CARF: variants seen among roughly 807,000 people sequenced by gnomAD.
CARF encodes calcium-responsive transcription factor.
CARF carries 57 observed loss-of-function variants against 82.0 expected under a neutral mutation model. The ratio of observed to expected loss-of-function variants is 0.70; its 90% CI spans 0.56 to 0.87. CARF has a LOEUF of 0.87. CARF is among the 40% of genes least tolerant of loss of function. CARF has a pLI of 0.00. For synonymous variants in CARF, 268 were observed against 290.1 expected (o/e 0.92, Z 0.77); for missense variants, 771 against 855.8 (o/e 0.90, Z 1.24).
At position 202,982,243 on chromosome 2, in the gene CARF, T is replaced by C. The variant is rs2060293070; in HGVS notation, c.1861T>C (p.Cys621Arg). Residue 621 changes from cysteine (C) to arginine (R), a missense_variant, in exon 16 of 17, where the codon TGC becomes CGC. Cys to Arg is a radical substitution (Grantham distance 180, BLOSUM62 -3). Coordinates refer to ENST00000438828, the MANE Select transcript of CARF (RefSeq NM_024744.17). ...GQSHSLQRDT[C>R]LTQNNSTAST... is the part of the protein sequence containing the mutation. ...AAGTCATAGCCTTCAAAGAGATACA[T>C]GCTTAACCCAAAACAATAGTACTGC... 1.2e-6 allele frequency: 2 copies of C among 1,614,158 alleles called. No individual in the cohort carries two copies. The highest frequency in any genetic ancestry group is 1.7e-6 in the Non-Finnish European group (2 of 1,180,016).
chr2:202,939,685 CTTTTTTT>C (rs749966536), intron 3 of CARF, among the ~76,000 whole-genome samples: 1 of 104,892 alleles, frequency 9.5e-6, no homozygotes, highest in Non-Finnish European at 2.1e-5. Flanking sequence ...GCCTTTTTTT[CTTTTTTT>C]TTTTTTTTTT....
chr2:202,930,968 C>CTTTTTTTTTTTTTTTT (rs1007407230), intron 3 of CARF, among the ~76,000 whole-genome samples: 1 of 103,214 alleles, frequency 9.7e-6, no homozygotes, highest in African/African-American at 3.7e-5. Context: ...TTTTTCTTTT[C>CTTTTTTTTTTTTTTTT]TTTTTTTTTT....
At chr2:202,955,036 T>C (rs948530953) in intron 7 of CARF, among the ~76,000 whole-genome samples, 5 of 151,954 alleles carry the variant, frequency 3.3e-5, no homozygotes, top group Non-Finnish European at 7.4e-5. Context: ...AAATTCATTA[T>C]AGTTCCTAAA....
At chr2:202,936,342 A>T (rs1693944181) in intron 3 of CARF, among the ~76,000 whole-genome samples, 1 of 152,156 alleles carries the variant, frequency 6.6e-6, no homozygotes, top group Non-Finnish European at 1.5e-5. Flanking sequence ...ATTTACTGAC[A>T]GTTCATTCAC....
intron 9 of CARF, chr2:202,962,536 T>C (rs2059366359): frequency 6.6e-6 from 1 of 152,020 alleles, no homozygotes; most frequent in Non-Finnish European, 1.5e-5. Context: ...TGAAATCCTA[T>C]AGTCTTCCTT....
chr2:202,973,404 T>C, intron 12 of CARF: 1 of 424,532 alleles, frequency 2.4e-6, no homozygotes, highest in Non-Finnish European at 4.6e-6. Context: ...ATTTCTTTTA[T>C]ATATTGATTT....
chr2:202,971,804 G>T, intron 12 of CARF, 66 bp downstream of exon 12: 1 of 1,157,360 alleles, frequency 8.6e-7, no homozygotes, highest in Non-Finnish European at 1.3e-6. Context: ...ATAATACAGT[G>T]AACATTGGAG....
At chr2:202,980,830 T>C (rs1299624179) in intron 14 of CARF, among the ~76,000 whole-genome samples, 2 of 151,594 alleles carry the variant, frequency 1.3e-5, no homozygotes, top group African/African-American at 2.4e-5. Flanking sequence ...TTGTGTATTA[T>C]AGGTAATCCA....
At chr2:202,931,890 G>A (rs1015495912) in intron 3 of CARF, among the ~76,000 whole-genome samples, 7 of 152,202 alleles carry the variant, frequency 4.6e-5, no homozygotes, top group Non-Finnish European at 1.0e-4. Flanking sequence ...CACAGGGTCT[G>A]TATTAGTCTG....
rs547636773 is a variant in CARF at position 202,954,791 on chromosome 2, C to T, written c.557+657C>T. Among the ~76,000 whole-genome samples, 468 of 150,808 alleles carry T rather than the reference C, an allele frequency of 3.1e-3. 1 individual carries two copies. Among genetic ancestry groups the T allele is most frequent in the African/African-American group, 6.2e-3 (255 of 41,004 alleles). On this transcript the variant is annotated intron_variant, in intron 7 of 16. Coordinates refer to ENST00000438828, the MANE Select transcript of CARF (RefSeq NM_024744.17). ...TTAGAATGCCAAGGCAGGCGGATCA[C>T]GAGGTCAGGAGATTGAGACCATCCT...
intron 9 of CARF, among the ~76,000 whole-genome samples, chr2:202,965,864 A>G (rs2059527115): frequency 6.6e-6 from 1 of 152,172 alleles, no homozygotes; most frequent in African/African-American, 2.4e-5. Flanking sequence ...AATTATCCCA[A>G]ACGTAGTGGC....
chr2:202,953,699 G>A (rs568449357), intron 6 of CARF, among the ~76,000 whole-genome samples: 4 of 151,850 alleles, frequency 2.6e-5, no homozygotes, highest in African/African-American at 9.6e-5. Context: ...TATGAGCACA[G>A]TATATAAACA....
At chr2:202,943,987 A>G (rs1316235170) in intron 5 of CARF, among the ~76,000 whole-genome samples, 7 of 152,152 alleles carry the variant, frequency 4.6e-5, no homozygotes. Context: ...ACTGACCTGC[A>G]AGCCACTTTC....
In CARF at chr2:202,982,222, C is replaced by G; in HGVS notation, c.1840C>G (p.His614Asp). Residue 614 changes from histidine (H) to aspartate (D), a missense_variant, in exon 16 of 17, where the codon CAT (histidine) becomes GAT (aspartate). Transcript: ENST00000438828. ...NNNSLLLGQS[H>D]SLQRDTCLTQ... ...TAATTCTCTACTGCTTGGTCAAAGT[C>G]ATAGCCTTCAAAGAGATACATGCTT... 1 of 1,614,112 alleles carries G rather than the reference C, an allele frequency of 6.2e-7. No homozygotes were observed. Among genetic ancestry groups the G allele is most frequent in the East Asian group, 2.2e-5 (1 of 44,866 alleles).
chr2:202,917,274 T>A (rs1304666982), intron 1 of CARF, among the ~76,000 whole-genome samples: 1 of 150,984 alleles, frequency 6.6e-6, no homozygotes, highest in Non-Finnish European at 1.5e-5. Context: ...TTTCCAATCT[T>A]TACTTTTGAT....
intron 13 of CARF, among the ~76,000 whole-genome samples, chr2:202,975,984 G>T (rs912984035): frequency 6.6e-6 from 1 of 151,898 alleles, no homozygotes; most frequent in African/African-American, 2.4e-5. Context: ...GGCGGAGGTT[G>T]CAGTGAGCCA....
chr2:202,971,569 A>G lies in CARF; in HGVS notation c.1162A>G (p.Thr388Ala). The G allele has an allele frequency of 6.2e-7, 1 of 1,613,762 alleles. No homozygotes were observed. Among genetic ancestry groups the G allele is most frequent in the Non-Finnish European group, 8.5e-7 (1 of 1,179,814 alleles). ...TCATGAATTAGAGACTCCCTGCCTCACTTTGTCACCTTCTCCTTTTCCTGT... is the reference window on the plus strand; with the variant it reads ...TCATGAATTAGAGACTCCCTGCCTCGCTTTGTCACCTTCTCCTTTTCCTGT... ...QYHELETPCL[T>A]LSPSPFPVSS... The change falls in exon 12 of 17, where the codon ACT becomes GCT. Residue 388 changes from threonine (T) to alanine (A), a missense_variant. Coordinates refer to ENST00000438828, the MANE Select transcript of CARF (RefSeq NM_024744.17).
chr2:202,940,869 C>T (rs2058197299), intron 3 of CARF, among the ~76,000 whole-genome samples: 1 of 152,016 alleles, frequency 6.6e-6, no homozygotes, highest in Non-Finnish European at 1.5e-5. Flanking sequence ...ATTGTTGGCA[C>T]TTCTTGTAGC....
At chr2:202,923,220 CAA>C (rs1691162968) in intron 2 of CARF, among the ~76,000 whole-genome samples, 1 of 152,064 alleles carries the variant, frequency 6.6e-6, no homozygotes, top group African/African-American at 2.4e-5. Context: ...CCAGCCTGGG[CAA>C]AAGAGTGAAA....
Sources: gnomAD v4.1 joint callset for allele counts (sites outside exome capture counted in the v4.1 genomes callset) on GRCh38, gnomAD v4.1.1 for gene constraint, MANE v1.5 for transcripts, NCBI Gene and HGNC (gene_info 2026-07-23, HGNC 2026-07-21) for gene names.